VPS13B: variants seen among roughly 807,000 people sequenced by gnomAD.
The protein encoded by VPS13B is vacuolar protein sorting 13 homolog B, also known as intermembrane lipid transfer protein VPS13B.
In VPS13B, 285 loss-of-function variants were observed where a neutral mutation model predicts 426.4. The ratio of observed to expected loss-of-function variants is 0.67; its 90% CI spans 0.61 to 0.74. The LOEUF (loss-of-function observed/expected upper bound fraction) is 0.74, where lower values mean the gene tolerates loss of function less well. VPS13B is among the 30% of genes least tolerant of loss of function. The pLI, the probability that VPS13B is intolerant of heterozygous loss-of-function variation, is 0.00. For missense variants in VPS13B, 4,537 were observed against 4,782.6 expected, an observed-to-expected ratio of 0.95 and a Z score of 1.51; for synonymous variants, 1,676 against 1,676.4, an observed-to-expected ratio of 1.00 and a Z score of 0.01.
At chr8:99,752,068 T>G (rs927493883) in intron 39 of VPS13B, among the ~76,000 whole-genome samples, 8 of 152,118 alleles carry the variant, frequency 5.3e-5, no homozygotes, top group African/African-American at 1.7e-4. Context: ...CAGTCTGGAC[T>G]GGGTTTGTGG....
In VPS13B at chr8:99,092,057, G is replaced by T. The variant is rs1846178563; in HGVS notation, c.292-4255G>T. ...TTCTAAATGTTATTCACACTATTGT[G>T]AATCTGGGAGTTGATGGTTTTCTAG... On this transcript the variant is annotated intron_variant, in intron 3 of 61. Transcript: ENST00000357162. 3 of 152,128 alleles carry T rather than the reference G, an allele frequency of 2.0e-5. No individual in the cohort carries two copies. The South Asian group carries it at 6.2e-4, about 32-fold the overall frequency. The allele number at this position is 152,128 out of a possible 1,614,324, so 9.4% of individuals were successfully genotyped here.
At chr8:99,470,308 C>T (rs1588413861) in intron 24 of VPS13B, among the ~76,000 whole-genome samples, 2 of 152,060 alleles carry the variant, frequency 1.3e-5, no homozygotes, top group East Asian at 3.9e-4. Context: ...TTGACTACCC[C>T]CACATAAATG....
rs34816144 is a variant in VPS13B at position 99,020,151 on chromosome 8, G to GT, written c.147+6228dup. On this transcript the variant is annotated intron_variant, in intron 2 of 61. Transcript: ENST00000357162. Reference sequence around the variant, plus strand: ...GTCACTAACACTTGTTGTTTTACGTGTTTTTTTTTTTTAAATATAGCTATC... The same window carrying GT: ...GTCACTAACACTTGTTGTTTTACGTGTTTTTTTTTTTTTAAATATAGCTATC... Among the ~76,000 whole-genome samples, 44 of 149,170 alleles carry GT rather than the reference G, an allele frequency of 2.9e-4. 1 individual carries two copies. The highest frequency in any genetic ancestry group is 2.1e-3 in the Admixed American group (31 of 14,908).
At chr8:99,085,339 A>G (rs954215433) in intron 3 of VPS13B, among the ~76,000 whole-genome samples, 1 of 152,044 alleles carries the variant, frequency 6.6e-6, no homozygotes, top group Non-Finnish European at 1.5e-5. Context: ...TTTTGAGCCT[A>G]TGTGTGTCTC....
At chr8:99,664,131 T>A (rs1021975211) in intron 35 of VPS13B, among the ~76,000 whole-genome samples, 1 of 151,438 alleles carries the variant, frequency 6.6e-6, no homozygotes, top group African/African-American at 2.4e-5. Context: ...CTCAGCCTCC[T>A]GAGTAGCTGG....
rs539417754 is a variant in VPS13B at position 99,764,958 on chromosome 8, A to T, written c.7051-1816A>T. ...AGCATACTTCCTAGGGGAAAAAAAA[A>T]GTTTTGGCTAGGCGCGGTGGCTCAT... On this transcript the variant is annotated intron_variant, in intron 39 of 61. Coordinates refer to ENST00000357162, the MANE Select transcript of VPS13B (RefSeq NM_152564.5). Among the ~76,000 whole-genome samples the T allele has an allele frequency of 1.3e-4, 20 of 152,230 alleles. No homozygotes were observed. In the South Asian group the frequency reaches 1.7e-3, roughly 13 times the overall value.
chr8:99,507,816 CT>C lies in VPS13B; in HGVS notation c.4224+616del, dbSNP rs1436874013. The C allele has an allele frequency of 1.9e-6, 3 of 1,613,972 alleles. No homozygotes were observed. Among genetic ancestry groups the C allele is most frequent in the Non-Finnish European group, 2.5e-6 (3 of 1,179,944 alleles). ...TTTGGGGCAATGTGGAGGTGTCTTCCTTTCCTGTACTGACAAGCTGAACAGA... is the reference window on the plus strand; with the variant it reads ...TTTGGGGCAATGTGGAGGTGTCTTCCTTCCTGTACTGACAAGCTGAACAGA... On this transcript the variant is annotated intron_variant, in intron 28 of 61. Coordinates refer to ENST00000357162, the MANE Select transcript of VPS13B (RefSeq NM_152564.5).
chr8:99,218,167 G>T (rs1017256960), intron 17 of VPS13B, among the ~76,000 whole-genome samples: 1 of 152,146 alleles, frequency 6.6e-6, no homozygotes, highest in Non-Finnish European at 1.5e-5. Context: ...ACTGCAGCTT[G>T]CAGTGGCCTG....
At chr8:99,537,143 TA>T (rs1450633676) in intron 30 of VPS13B, among the ~76,000 whole-genome samples, 1 of 152,186 alleles carries the variant, frequency 6.6e-6, no homozygotes, top group Non-Finnish European at 1.5e-5. Flanking sequence ...AATCTCTCAC[TA>T]TTTTTTTCCC....
intron 10 of VPS13B, 65 bp downstream of exon 10, chr8:99,135,202 GT>G: frequency 6.3e-7 from 1 of 1,596,252 alleles, no homozygotes; most frequent in South Asian, 1.1e-5. Context: ...TTACTGAAGT[GT>G]TTAACCATAT....
chr8:99,311,995 C>G (rs761814373), intron 19 of VPS13B, among the ~76,000 whole-genome samples: 1 of 152,014 alleles, frequency 6.6e-6, no homozygotes, highest in Non-Finnish European at 1.5e-5. Flanking sequence ...GGATTTCAAC[C>G]CCTGCCTTTT....
chr8:99,712,742 A>G (rs939287180), intron 36 of VPS13B, among the ~76,000 whole-genome samples: 1 of 142,162 alleles, frequency 7.0e-6, no homozygotes, highest in African/African-American at 2.7e-5. Context: ...TAGCTATCCC[A>G]TTCTGTGTCC....
intron 19 of VPS13B, among the ~76,000 whole-genome samples, chr8:99,342,253 A>G (rs1811292165): frequency 6.6e-6 from 1 of 152,214 alleles, no homozygotes; most frequent in Non-Finnish European, 1.5e-5. Flanking sequence ...ATGGTGAGAC[A>G]TTTGAAATTT....
At chr8:99,093,217 T>C (rs370193316) in intron 3 of VPS13B, among the ~76,000 whole-genome samples, 2 of 152,064 alleles carry the variant, frequency 1.3e-5, no homozygotes, top group East Asian at 3.9e-4. Context: ...GAACAGCACT[T>C]GAAAAAGAAC....
chr8:99,329,916 A>G (rs1810466208), intron 19 of VPS13B, among the ~76,000 whole-genome samples: 1 of 151,904 alleles, frequency 6.6e-6, no homozygotes, highest in South Asian at 2.1e-4. Flanking sequence ...ACATTGTTGG[A>G]TATTCTGTAG....
chr8:99,688,822 A>G (rs1306074632), intron 35 of VPS13B, among the ~76,000 whole-genome samples: 3 of 152,060 alleles, frequency 2.0e-5, no homozygotes, highest in Non-Finnish European at 4.4e-5. Flanking sequence ...CAGCATCCCA[A>G]CAAGGTACAG....
At chr8:99,666,784 A>G (rs554593364) in intron 35 of VPS13B, among the ~76,000 whole-genome samples, 2 of 152,286 alleles carry the variant, frequency 1.3e-5, no homozygotes, top group Non-Finnish European at 2.9e-5. Context: ...CTCCTATTCA[A>G]CATAGTGTTG....
chr8:99,685,874 G>T (rs1032887173), intron 35 of VPS13B, among the ~76,000 whole-genome samples: 3 of 152,148 alleles, frequency 2.0e-5, no homozygotes, highest in African/African-American at 7.2e-5. Context: ...GTTTGGTGAG[G>T]TCATGTTTGC....
intron 3 of VPS13B, among the ~76,000 whole-genome samples, chr8:99,081,127 G>T (rs1030116819): frequency 3.9e-5 from 6 of 152,090 alleles, no homozygotes; most frequent in Non-Finnish European, 5.9e-5. Flanking sequence ...CTTCAAAATT[G>T]GGGATTCACT....
Sources: gnomAD v4.1 joint callset for allele counts (sites outside exome capture counted in the v4.1 genomes callset) on GRCh38, gnomAD v4.1.1 for gene constraint, MANE v1.5 for transcripts, NCBI Gene and HGNC (gene_info 2026-07-23, HGNC 2026-07-21) for gene names.